The following CERS6 variants were observed in gnomAD, a reference collection of about 807,000 sequenced individuals.
CERS6 encodes LAG1 homolog, ceramide synthase 6.
CERS6 carries 26 observed loss-of-function variants against 56.8 expected under a neutral mutation model. The observed-to-expected ratio is 0.46, with a 90% confidence interval of 0.34 to 0.63. CERS6 has a LOEUF of 0.63. CERS6 is among the 30% of genes least tolerant of loss of function. CERS6 has a pLI of 0.01. For synonymous variants in CERS6, 164 were observed against 173.3 expected (o/e 0.95, Z 0.42); for missense variants, 415 against 467.5 (o/e 0.89, Z 1.04).
At chr2:168,652,613 T>G (rs1685372719) in intron 4 of CERS6, among the ~76,000 whole-genome samples, 1 of 151,508 alleles carries the variant, frequency 6.6e-6, no homozygotes, top group African/African-American at 2.4e-5. Context: ...AATTGTTGTT[T>G]TTTTTTTAAC....
intron 1 of CERS6, among the ~76,000 whole-genome samples, chr2:168,495,306 C>T (rs977146956): frequency 7.2e-5 from 11 of 152,178 alleles, no homozygotes; most frequent in African/African-American, 2.4e-4. Context: ...TGAACCTGTG[C>T]AACATTCAGT....
intron 8 of CERS6, among the ~76,000 whole-genome samples, chr2:168,754,583 A>C (rs150333661): frequency 1.1e-4 from 16 of 152,238 alleles, no homozygotes; most frequent in African/African-American, 3.9e-4. Flanking sequence ...GTGGAATTTG[A>C]TCCCTGAAGA....
intron 1 of CERS6, among the ~76,000 whole-genome samples, chr2:168,461,459 CA>C (rs397869323): frequency 0.22 from 17,034 of 78,928 alleles, 729 homozygotes; most frequent in East Asian, 0.33. Flanking sequence ...GACCCTGTCT[CA>C]AAAAAAAAAA....
intron 6 of CERS6, among the ~76,000 whole-genome samples, chr2:168,697,483 T>C (rs1686682836): frequency 6.6e-6 from 1 of 152,150 alleles, no homozygotes; most frequent in Admixed American, 6.5e-5. Context: ...TTTATTTTCT[T>C]TTTTGAGGAG....
chr2:168,765,930 C>T (rs947333439), intron 9 of CERS6, among the ~76,000 whole-genome samples, 182 bp downstream of exon 9: 6 of 152,070 alleles, frequency 3.9e-5, no homozygotes, highest in South Asian at 2.1e-4. Context: ...CCTTTGCTGG[C>T]GATGGCACCC....
Position 168,645,150 on chromosome 2 carries a change from G to C in CERS6, c.465+14108G>C, listed in dbSNP as rs1289349773. Among the ~76,000 whole-genome samples the C allele has an allele frequency of 8.5e-4, 42 of 49,286 alleles. 1 individual carries two copies. Among genetic ancestry groups the C allele is most frequent in the African/African-American group, 5.8e-3 (41 of 7,032 alleles). 32.3% of individuals were successfully genotyped at this position (49,286 alleles called of 152,430 possible). A position where few individuals can be genotyped will look rare whatever the true frequency, so the allele number is the denominator to read the frequency against. On this transcript the variant is annotated intron_variant, in intron 4 of 9. Coordinates refer to ENST00000305747, the MANE Select transcript of CERS6 (RefSeq NM_203463.3). ...ATATATATATATATATATAGAGAGAGAGAGAGAGAGAGAGAGAGAGAGAGA... is the reference window on the plus strand; with the variant it reads ...ATATATATATATATATATAGAGAGACAGAGAGAGAGAGAGAGAGAGAGAGA...
At chr2:168,635,140 C>G (rs2105300784) in intron 4 of CERS6, among the ~76,000 whole-genome samples, 1 of 152,260 alleles carries the variant, frequency 6.6e-6, no homozygotes, top group South Asian at 2.1e-4. Flanking sequence ...TAGCACCCCA[C>G]TGAGGTATAG....
chr2:168,505,392 A>AG (rs1694658184), intron 1 of CERS6, among the ~76,000 whole-genome samples: 1 of 150,856 alleles, frequency 6.6e-6, no homozygotes, highest in African/African-American at 2.4e-5. Context: ...CAAAAAAAAA[A>AG]AAAAAAAAAG....
At chr2:168,721,553 T>TTG (rs200959267) in intron 8 of CERS6, among the ~76,000 whole-genome samples, 68,447 of 116,238 alleles carry the variant, frequency 0.59, 14,871 homozygotes, top group Non-Finnish European at 0.63. Flanking sequence ...TTTTTGTTTT[T>TTG]GTTTTTTTTT....
intron 4 of CERS6, among the ~76,000 whole-genome samples, chr2:168,649,482 A>T (rs939719500): frequency 1.3e-5 from 2 of 152,180 alleles, no homozygotes; most frequent in African/African-American, 4.8e-5. Context: ...AATGATTTTT[A>T]AAATATTTTT....
intron 3 of CERS6, among the ~76,000 whole-genome samples, chr2:168,593,195 G>A (rs1253837183): frequency 6.6e-6 from 1 of 152,152 alleles, no homozygotes; most frequent in Non-Finnish European, 1.5e-5. Flanking sequence ...GAAACATCGG[G>A]ATAATATCAC....
At chr2:168,544,499 C>T (rs1472099008) in intron 1 of CERS6, among the ~76,000 whole-genome samples, 1 of 152,150 alleles carries the variant, frequency 6.6e-6, no homozygotes, top group East Asian at 1.9e-4. Flanking sequence ...GGGCCCCACA[C>T]ACAGGAGAGG....
In CERS6 at chr2:168,547,720, G is replaced by A. The variant is rs756355243; in HGVS notation, c.276+19G>A. On this transcript the variant is annotated intron_variant, in intron 2 of 9. Transcript: ENST00000305747. Reference sequence around the variant, plus strand: ...TACAAAGGTATGATTGTCCTTTCCTGGGGTATAGATTGTCCCCGGTCACCA... The same window carrying A: ...TACAAAGGTATGATTGTCCTTTCCTAGGGTATAGATTGTCCCCGGTCACCA... The A allele has an allele frequency of 1.3e-6, 2 of 1,498,184 alleles. No individual in the cohort carries two copies. Among genetic ancestry groups the A allele is most frequent in the East Asian group, 4.5e-5 (2 of 44,370 alleles). 92.8% of individuals were successfully genotyped at this position (1,498,184 alleles called of 1,614,324 possible). A position where few individuals can be genotyped will look rare whatever the true frequency, so the allele number is the denominator to read the frequency against.
intron 8 of CERS6, among the ~76,000 whole-genome samples, chr2:168,730,752 T>G (rs1175190803): frequency 6.6e-6 from 1 of 152,176 alleles, no homozygotes; most frequent in Non-Finnish European, 1.5e-5. Flanking sequence ...CTTATAATTT[T>G]CACAAACAGT....
intron 3 of CERS6, among the ~76,000 whole-genome samples, chr2:168,604,205 T>C (rs1052406798): frequency 6.6e-6 from 1 of 152,246 alleles, no homozygotes; most frequent in Non-Finnish European, 1.5e-5. Flanking sequence ...CCCTATTTCC[T>C]GGCTGACTTG....
In CERS6 at chr2:168,525,570, A is replaced by G. The variant is rs142385970; in HGVS notation, c.171-22026A>G. Among the ~76,000 whole-genome samples, 409 of 152,344 alleles carry G rather than the reference A, an allele frequency of 2.7e-3. 2 individuals are homozygous for G. Among genetic ancestry groups the G allele is most frequent in the African/African-American group, 9.2e-3 (384 of 41,576 alleles). On this transcript the variant is annotated intron_variant, in intron 1 of 9. Transcript: ENST00000305747. Reference sequence around the variant, plus strand: ...TGGGGTAAATAATCCCTTGTCAGTGATGACGAGGCTTGAGGAAATTTAAAC... The same window carrying G: ...TGGGGTAAATAATCCCTTGTCAGTGGTGACGAGGCTTGAGGAAATTTAAAC...
chr2:168,506,549 T>G (rs1332133353), intron 1 of CERS6, among the ~76,000 whole-genome samples: 1 of 152,192 alleles, frequency 6.6e-6, no homozygotes, highest in Non-Finnish European at 1.5e-5. Flanking sequence ...ACTAAAATAT[T>G]GTTCAGATTC....
chr2:168,630,955 T>C, intron 3 of CERS6, 30 bp from the exon 4 acceptor site: 1 of 1,139,566 alleles, frequency 8.8e-7, no homozygotes, highest in Non-Finnish European at 1.3e-6. Context: ...ATAAACTGAA[T>C]GTCACAGATT....
intron 1 of CERS6, among the ~76,000 whole-genome samples, chr2:168,513,434 C>T (rs528271933): frequency 3.9e-4 from 59 of 152,214 alleles, no homozygotes; most frequent in African/African-American, 9.4e-4. Flanking sequence ...TTGGCTGTGA[C>T]GTGTCTCAAA....
Sources: allele counts gnomAD v4.1 joint callset (sites outside exome capture counted in the v4.1 genomes callset), GRCh38; gene constraint gnomAD v4.1.1; transcripts MANE v1.5; gene names NCBI Gene and HGNC (gene_info 2026-07-23, HGNC 2026-07-21).